CDK8: variants seen among roughly 807,000 people sequenced by gnomAD.
The protein encoded by CDK8 is cyclin-dependent kinase 8.
Under a neutral mutation model 71.5 loss-of-function variants are expected in CDK8, and 29 were observed. The observed-to-expected ratio is 0.41, with a 90% CI of 0.30 to 0.55. The LOEUF (loss-of-function observed/expected upper bound fraction) is 0.55. CDK8 is among the 20% of genes least tolerant of loss of function. CDK8 has a pLI of 0.37. For synonymous variants in CDK8, 161 were observed against 192.1 expected, an observed-to-expected ratio of 0.84 and a Z score of 1.34; for missense variants, 288 against 572.6, an observed-to-expected ratio of 0.50 and a Z score of 5.07.
At chr13:26,274,498 C>T (rs1872483037) in intron 1 of CDK8, among the ~76,000 whole-genome samples, 1 of 151,730 alleles carries the variant, frequency 6.6e-6, no homozygotes, top group Non-Finnish European at 1.5e-5. Flanking sequence ...GTGGCACGAC[C>T]TCCACTCACT....
intron 1 of CDK8, among the ~76,000 whole-genome samples, chr13:26,293,185 T>C (rs1243155245): frequency 6.6e-6 from 1 of 152,244 alleles, no homozygotes; most frequent in East Asian, 1.9e-4. Flanking sequence ...TATTTAATTT[T>C]TATTTCTGCT....
At position 26,404,817 on chromosome 13, in the gene CDK8, T is replaced by C. The variant is rs1876435671; in HGVS notation, c.*736T>C. ...TGTCATTGATATAAACCTGTTTGGTTCAGCAAACAAACTAAAATGATTGTC... is the reference window on the plus strand; with the variant it reads ...TGTCATTGATATAAACCTGTTTGGTCCAGCAAACAAACTAAAATGATTGTC... On this transcript the variant is annotated 3_prime_UTR_variant, in exon 13 of 13. Transcript: ENST00000381527. 4.6e-6 allele frequency: 1 copy of C among 217,380 alleles called. No homozygotes were observed. The highest frequency in any genetic ancestry group is 2.2e-5 in the African/African-American group (1 of 44,542). 13.5% of individuals were successfully genotyped at this position (217,380 alleles called of 1,614,324 possible). A position where few individuals can be genotyped will look rare whatever the true frequency, so the allele number is the denominator to read the frequency against.
chr13:26,399,524 C>T (rs1466196909), intron 9 of CDK8, among the ~76,000 whole-genome samples: 3 of 152,178 alleles, frequency 2.0e-5, no homozygotes, highest in Non-Finnish European at 1.5e-5. Context: ...AAAGCCACTG[C>T]ATTAGATCAG....
intron 4 of CDK8, among the ~76,000 whole-genome samples, chr13:26,369,365 G>A (rs1364014916): frequency 9.8e-5 from 14 of 142,746 alleles, no homozygotes; most frequent in African/African-American, 2.8e-4. Context: ...TGGGAGGATC[G>A]TTGATCCCAG....
At chr13:26,336,482 A>G (rs1397358792) in intron 1 of CDK8, among the ~76,000 whole-genome samples, 1 of 151,962 alleles carries the variant, frequency 6.6e-6, no homozygotes, top group East Asian at 1.9e-4. Context: ...AAGAGAATAA[A>G]GGGGTTCTGG....
At chr13:26,282,533 C>T (rs1872796307) in intron 1 of CDK8, among the ~76,000 whole-genome samples, 2 of 152,150 alleles carry the variant, frequency 1.3e-5, no homozygotes, top group African/African-American at 4.8e-5. Context: ...TTCACCATCA[C>T]CACACCAGCA....
intron 4 of CDK8, among the ~76,000 whole-genome samples, chr13:26,373,908 G>T (rs9507704): frequency 2.2e-4 from 33 of 150,890 alleles, no homozygotes; most frequent in African/African-American, 7.1e-4. Context: ...TGGAACAGGC[G>T]CAGTGGCTCA....
intron 1 of CDK8, among the ~76,000 whole-genome samples, chr13:26,315,782 A>G (rs1222192779): frequency 6.6e-6 from 1 of 152,154 alleles, no homozygotes; most frequent in African/African-American, 2.4e-5. Flanking sequence ...TGAGGTCATT[A>G]TTACTAAAAA....
intron 4 of CDK8, among the ~76,000 whole-genome samples, chr13:26,364,115 T>A (rs996208406): frequency 1.3e-5 from 2 of 152,226 alleles, no homozygotes; most frequent in East Asian, 3.8e-4. Context: ...TCATTATGGT[T>A]ATTCAGAGAA....
At chr13:26,397,259 T>C (rs2138068943) in intron 9 of CDK8, 34 bp downstream of exon 9, 3 of 1,394,336 alleles carry the variant, frequency 2.2e-6, no homozygotes, top group South Asian at 1.2e-5. Flanking sequence ...ATGAAATGCA[T>C]TTTTTCCTTA....
At chr13:26,314,439 A>T (rs1179857786) in intron 1 of CDK8, among the ~76,000 whole-genome samples, 1 of 152,228 alleles carries the variant, frequency 6.6e-6, no homozygotes, top group Non-Finnish European at 1.5e-5. Context: ...TACATTTTGG[A>T]AAATTAGGTT....
At chr13:26,335,221 C>G (rs1872926135) in intron 1 of CDK8, among the ~76,000 whole-genome samples, 1 of 152,222 alleles carries the variant, frequency 6.6e-6, no homozygotes. Flanking sequence ...CCTCAGCCTT[C>G]TGCAATATAG....
intron 1 of CDK8, among the ~76,000 whole-genome samples, chr13:26,284,163 G>A (rs562172035): frequency 1.3e-5 from 2 of 152,284 alleles, no homozygotes; most frequent in Admixed American, 1.3e-4. Flanking sequence ...AAAGGTCATA[G>A]CATTAAATGC....
At chr13:26,326,793 C>G (rs1029079717) in intron 1 of CDK8, among the ~76,000 whole-genome samples, 41 of 152,122 alleles carry the variant, frequency 2.7e-4, no homozygotes, top group African/African-American at 8.7e-4. Context: ...AATGATGCTT[C>G]AAAAATAGCC....
At chr13:26,293,379 G>C (rs1873392468) in intron 1 of CDK8, among the ~76,000 whole-genome samples, 1 of 152,056 alleles carries the variant, frequency 6.6e-6, no homozygotes, top group African/African-American at 2.4e-5. Context: ...AAGGCGGGTG[G>C]ATTGCCTGAG....
intron 1 of CDK8, among the ~76,000 whole-genome samples, chr13:26,334,918 C>G (rs543811664): frequency 3.3e-5 from 5 of 152,256 alleles, no homozygotes; most frequent in African/African-American, 1.2e-4. Context: ...TTCTTTCCAT[C>G]TGTATTCGTT....
At chr13:26,362,363 A>G (rs550196947) in intron 4 of CDK8, among the ~76,000 whole-genome samples, 1 of 152,278 alleles carries the variant, frequency 6.6e-6, no homozygotes, top group South Asian at 2.1e-4. Context: ...CCAGCTGAAG[A>G]AACAGGGAAG....
At chr13:26,259,092 T>C (rs1315380668) in intron 1 of CDK8, among the ~76,000 whole-genome samples, 2 of 152,206 alleles carry the variant, frequency 1.3e-5, no homozygotes, top group Non-Finnish European at 2.9e-5. Flanking sequence ...GAATGCTGTA[T>C]CTAAGTTCAT....
chr13:26,321,112 G>A (rs943700347), intron 1 of CDK8, among the ~76,000 whole-genome samples: 1 of 152,118 alleles, frequency 6.6e-6, no homozygotes, highest in African/African-American at 2.4e-5. Flanking sequence ...GATAATAGTA[G>A]TATTATTCAC....
Sources: allele counts gnomAD v4.1 joint callset (sites outside exome capture counted in the v4.1 genomes callset), GRCh38; gene constraint gnomAD v4.1.1; transcripts MANE v1.5; gene names NCBI Gene and HGNC (gene_info 2026-07-23, HGNC 2026-07-21).